The following BRINP3 variants were observed in gnomAD, a reference collection of about 807,000 sequenced individuals.
The protein encoded by BRINP3 is BMP/retinoic acid inducible neural specific 3, also known as BMP/retinoic acid-inducible neural-specific protein 3.
Under a neutral mutation model 71.0 loss-of-function variants are expected in BRINP3, and 19 were observed. The observed-to-expected ratio is 0.27, with a 90% confidence interval of 0.19 to 0.39. BRINP3 has a LOEUF of 0.39. Ranked by LOEUF, BRINP3 falls within the 10% of genes least tolerant of loss-of-function variation. The pLI is 1.00. For synonymous variants in BRINP3, 380 were observed against 337.7 expected, an observed-to-expected ratio of 1.13 and a Z score of -1.37; for missense variants, 959 against 940.8, an observed-to-expected ratio of 1.02 and a Z score of -0.25.
chr1:190,351,648 A>G (rs187407740), intron 2 of BRINP3, among the ~76,000 whole-genome samples: 56 of 152,250 alleles, frequency 3.7e-4, no homozygotes, highest in Admixed American at 3.3e-3. Flanking sequence ...TTTAGCATCT[A>G]TACAAGAAAC....
At chr1:190,288,138 G>A (rs1663576540) in intron 2 of BRINP3, among the ~76,000 whole-genome samples, 1 of 151,912 alleles carries the variant, frequency 6.6e-6, no homozygotes, top group Non-Finnish European at 1.5e-5. Context: ...TCTAAAGTTT[G>A]AAAGTATAGT....
intron 2 of BRINP3, among the ~76,000 whole-genome samples, chr1:190,429,849 C>A (rs1370781854): frequency 6.6e-6 from 1 of 152,076 alleles, no homozygotes; most frequent in Non-Finnish European, 1.5e-5. Context: ...CCGCCTTGGC[C>A]TCCCAAAGTG....
chr1:190,187,394 A>G (rs1033053182), intron 6 of BRINP3, among the ~76,000 whole-genome samples: 4 of 152,052 alleles, frequency 2.6e-5, no homozygotes, highest in East Asian at 1.9e-4. Context: ...ATGTAATCCT[A>G]TTAGTATACT....
chr1:190,236,479 GTTTAA>G (rs1658530172), intron 4 of BRINP3, among the ~76,000 whole-genome samples: 1 of 151,964 alleles, frequency 6.6e-6, no homozygotes, highest in Non-Finnish European at 1.5e-5. Flanking sequence ...TTGAGTGTGT[GTTTAA>G]TTTGTGTCAT....
At chr1:190,404,953 T>C (rs1235177603) in intron 2 of BRINP3, among the ~76,000 whole-genome samples, 1 of 152,134 alleles carries the variant, frequency 6.6e-6, no homozygotes, top group Non-Finnish European at 1.5e-5. Context: ...CTGTAAAGGC[T>C]GTTAAAAGTC....
At chr1:190,441,530 TTTAA>T (rs1241343768) in intron 2 of BRINP3, among the ~76,000 whole-genome samples, 1 of 152,080 alleles carries the variant, frequency 6.6e-6, no homozygotes, top group African/African-American at 2.4e-5. Flanking sequence ...TTTCTCATTA[TTTAA>T]TTGAGGATAT....
At chr1:190,441,198 G>A (rs1240059624) in intron 2 of BRINP3, among the ~76,000 whole-genome samples, 1 of 151,752 alleles carries the variant, frequency 6.6e-6, no homozygotes, top group Non-Finnish European at 1.5e-5. Flanking sequence ...TGAAGCCCCT[G>A]AAGTCAAATG....
At chr1:190,237,758 T>C (rs1658666544) in intron 4 of BRINP3, among the ~76,000 whole-genome samples, 1 of 152,014 alleles carries the variant, frequency 6.6e-6, no homozygotes, top group Non-Finnish European at 1.5e-5. Flanking sequence ...TACATTAGGT[T>C]ATATCAAAGT....
At chr1:190,230,479 A>C (rs923402569) in intron 5 of BRINP3, among the ~76,000 whole-genome samples, 3 of 151,858 alleles carry the variant, frequency 2.0e-5, no homozygotes, top group African/African-American at 7.2e-5. Flanking sequence ...GTTATACATA[A>C]AAGAGGCCCA....
intron 2 of BRINP3, among the ~76,000 whole-genome samples, chr1:190,422,159 G>C (rs189501938): frequency 6.6e-6 from 1 of 151,618 alleles, no homozygotes; most frequent in African/African-American, 2.4e-5. Flanking sequence ...AATCATAGTG[G>C]TACTTAACTC....
At chr1:190,419,831 G>A (rs2102452887) in intron 2 of BRINP3, among the ~76,000 whole-genome samples, 1 of 150,670 alleles carries the variant, frequency 6.6e-6, no homozygotes, top group Middle Eastern at 3.4e-3. Flanking sequence ...ATCAAACCAT[G>A]TTAACTAGAA....
At chr1:190,383,760 G>A (rs1326206207) in intron 2 of BRINP3, among the ~76,000 whole-genome samples, 2 of 151,882 alleles carry the variant, frequency 1.3e-5, no homozygotes, top group African/African-American at 4.8e-5. Flanking sequence ...AATAATGTTT[G>A]TGAAAAAACA....
rs146936488 is a variant in BRINP3 at position 190,098,799 on chromosome 1, C to T, written c.1520G>A (p.Arg507Gln). Residue 507 changes from arginine (R) to glutamine (Q), a missense_variant, in exon 8 of 8, where the codon CGA (arginine) becomes CAA (glutamine). Arg to Gln is a conservative substitution (Grantham distance 43). Transcript: ENST00000367462. ...MKYLLQKTDRRIEVHAIFISN... is the reference protein window; with the variant it reads ...MKYLLQKTDRQIEVHAIFISN... The stretch of plus-strand genomic sequence containing the variant: ...GATAAAAATGGCATGGACTTCTATT[C>T]GTCTGTCCGTTTTCTGCAGCAGATA... 6.8e-6 allele frequency: 11 copies of T among 1,614,190 alleles called. No homozygotes were observed. Among genetic ancestry groups the T allele is most frequent in the Non-Finnish European group, 9.3e-6 (11 of 1,180,048 alleles).
At chr1:190,278,515 T>C (rs1452890619) in intron 3 of BRINP3, among the ~76,000 whole-genome samples, 1 of 151,722 alleles carries the variant, frequency 6.6e-6, no homozygotes, top group African/African-American at 2.4e-5. Context: ...ATTTCTGGTA[T>C]ACATTTTAAT....
At position 190,314,810 on chromosome 1, in the gene BRINP3, C is replaced by T. The variant is rs539497364; in HGVS notation, c.237-33060G>A. Among the ~76,000 whole-genome samples the T allele has an allele frequency of 1.9e-4, 29 of 152,158 alleles. No homozygotes were observed. The South Asian group carries it at 5.0e-3, about 26-fold the overall frequency. On this transcript the variant is annotated intron_variant, in intron 2 of 7. Transcript: ENST00000367462. ...TCCCTAAACGGAGACCTTGAATGCA[C>T]GCATAAGAATTATATAATATGGAGA...
intron 7 of BRINP3, among the ~76,000 whole-genome samples, chr1:190,135,838 T>C (rs913110479): frequency 1.3e-5 from 2 of 152,108 alleles, no homozygotes; most frequent in African/African-American, 4.8e-5. Context: ...CAGCACAGCA[T>C]ATATCATTTT....
chr1:190,298,371 T>C (rs1049091905), intron 2 of BRINP3, among the ~76,000 whole-genome samples: 4 of 152,092 alleles, frequency 2.6e-5, no homozygotes, highest in African/African-American at 7.2e-5. Flanking sequence ...TTTTCTTCAT[T>C]TGTGTGGGTT....
At chr1:190,179,485 T>C (rs1367289534) in intron 6 of BRINP3, among the ~76,000 whole-genome samples, 2 of 152,150 alleles carry the variant, frequency 1.3e-5, no homozygotes, top group African/African-American at 4.8e-5. Flanking sequence ...AAGTCTCTTT[T>C]TATAGTTTTG....
chr1:190,214,328 G>A (rs760247227), intron 6 of BRINP3, among the ~76,000 whole-genome samples: 5 of 152,026 alleles, frequency 3.3e-5, no homozygotes, highest in African/African-American at 9.7e-5. Flanking sequence ...ACTATATCTG[G>A]ATTTGATGAG....
Sources: allele counts gnomAD v4.1 joint callset (sites outside exome capture counted in the v4.1 genomes callset), GRCh38; gene constraint gnomAD v4.1.1; transcripts MANE v1.5; gene names NCBI Gene and HGNC (gene_info 2026-07-23, HGNC 2026-07-21).